NID2: variants seen among roughly 807,000 people sequenced by gnomAD.
NID2 encodes nidogen 2, also known as nidogen-2.
NID2 carries 83 observed loss-of-function variants against 145.4 expected under a neutral mutation model. The ratio of observed to expected loss-of-function variants is 0.57; its 90% CI spans 0.48 to 0.69. The LOEUF (loss-of-function observed/expected upper bound fraction) is 0.69, where lower values mean the gene tolerates loss of function less well. Among genes scored for constraint, NID2 ranks in the 30% least tolerant of loss-of-function variants. The pLI, the probability that NID2 is intolerant of heterozygous loss-of-function variation, is 0.00. For synonymous variants in NID2, 739 were observed against 701.3 expected, an observed-to-expected ratio of 1.05 and a Z score of -0.85; for missense variants, 1,807 against 1,765.7, an observed-to-expected ratio of 1.02 and a Z score of -0.42.
intron 20 of NID2, chr14:52,006,273 G>A: frequency 2.3e-6 from 1 of 434,344 alleles, no homozygotes; most frequent in Non-Finnish European, 4.2e-6. Flanking sequence ...TCCCTTTTGA[G>A]ACATTATCCA....
In NID2 at chr14:52,054,176, C is replaced by T. The variant is rs748261367; in HGVS notation, c.913G>A (p.Ala305Thr). ...PLGRSFSHAT[A>T]LESDYNEDNL... The stretch of plus-strand genomic sequence containing the variant: ...TCCTCATTATAGTCACTTTCCAGGG[C>T]TGTAGCATGGCTGAAGGAACGTCCC... Residue 305 changes from alanine to threonine, a missense_variant, in exon 4 of 22, where the codon GCC becomes ACC. By Grantham distance (58) the Ala-to-Thr change is moderately conservative. Transcript: ENST00000216286. The T allele has an allele frequency of 1.9e-6, 3 of 1,614,052 alleles. No individual in the cohort carries two copies. Among genetic ancestry groups the T allele is most frequent in the African/African-American group, 1.3e-5 (1 of 74,916 alleles).
rs931855664 is a variant in NID2, at chr14:52,027,201, C to T, written c.2674G>A (p.Asp892Asn). 1.3e-6 allele frequency: 2 copies of T among 1,524,678 alleles called. No homozygotes were observed. Among genetic ancestry groups the T allele is most frequent in the African/African-American group, 1.4e-5 (1 of 70,766 alleles). The allele number at this position is 1,524,678 out of a possible 1,614,324, so 94.4% of individuals were successfully genotyped here. A position where few individuals can be genotyped will look rare whatever the true frequency, so the allele number is the denominator to read the frequency against. The change falls in exon 12 of 22, where the codon GAT (aspartate) becomes AAT (asparagine). Residue 892 changes from aspartate to asparagine, a missense_variant and splice_region_variant. Asp to Asn is a conservative substitution (Grantham distance 23). Coordinates refer to ENST00000216286, the MANE Select transcript of NID2 (RefSeq NM_007361.4). Reference sequence around the variant, plus strand: ...TTGAGGCTGACCTGCAGTTACTCACCAGTGCACTGGTGCCCATCGCCGGCA... The same window carrying T: ...TTGAGGCTGACCTGCAGTTACTCACTAGTGCACTGGTGCCCATCGCCGGCA... ...GYAGDGHQCTDVDECSENRCH... is the reference protein window; with the variant it reads ...GYAGDGHQCTNVDECSENRCH...
intron 8 of NID2, among the ~76,000 whole-genome samples, chr14:52,039,757 G>A (rs1047543331): frequency 8.5e-5 from 13 of 152,128 alleles, no homozygotes; most frequent in African/African-American, 2.2e-4. Flanking sequence ...ATCACGCTTC[G>A]CACACATTGA....
At chr14:52,031,488 G>A (rs1456559607) in intron 9 of NID2, among the ~76,000 whole-genome samples, 3 of 152,118 alleles carry the variant, frequency 2.0e-5, no homozygotes, top group African/African-American at 4.8e-5. Context: ...AGCTAAGCCT[G>A]TCAGGTTCTA....
At chr14:52,006,689 C>A (rs769637376) in intron 19 of NID2, 29 bp from the exon 20 acceptor site, 15 of 1,611,120 alleles carry the variant, frequency 9.3e-6, no homozygotes, top group Non-Finnish European at 1.2e-5. Context: ...AAAATGAGGT[C>A]CTTCAGCTGC....
intron 9 of NID2, among the ~76,000 whole-genome samples, chr14:52,032,072 C>T (rs961185697): frequency 2.0e-5 from 3 of 152,214 alleles, no homozygotes; most frequent in African/African-American, 4.8e-5. Flanking sequence ...CTACTGCCCA[C>T]GTTATGGCTC....
At chr14:52,068,359 C>G (rs1893300283) in intron 1 of NID2, among the ~76,000 whole-genome samples, 196 bp from the exon 2 acceptor site, 1 of 152,208 alleles carries the variant, frequency 6.6e-6, no homozygotes, top group African/African-American at 2.4e-5. Context: ...GTCCAGGGGC[C>G]CTAAAACTCG....
rs185047505 is a variant in NID2, at chr14:52,032,458, G to A, written c.2258-2768C>T. ...TGACAGGAAAGAGGCACCGCACTGG[G>A]GTTGTGGTTGCCGAGTTAACTTGAG... On this transcript the variant is annotated intron_variant, in intron 9 of 21. Transcript: ENST00000216286. Among the ~76,000 whole-genome samples, 12 of 152,276 alleles carry A rather than the reference G, an allele frequency of 7.9e-5. No individual in the cohort carries two copies. The East Asian group carries it at 1.9e-3, about 24-fold the overall frequency.
chr14:52,021,806 A>T (rs1034931922), intron 12 of NID2, among the ~76,000 whole-genome samples: 6 of 152,206 alleles, frequency 3.9e-5, no homozygotes, highest in African/African-American at 1.4e-4. Flanking sequence ...GTTACCCTGA[A>T]ATCAACCAAT....
intron 2 of NID2, among the ~76,000 whole-genome samples, chr14:52,065,792 A>G (rs1893181792): frequency 7.7e-6 from 1 of 129,362 alleles, no homozygotes; most frequent in African/African-American, 3.2e-5. Flanking sequence ...ACTGAGAATG[A>G]TGGTTTCCAA....
At chr14:52,028,109 G>C (rs1239022859) in intron 11 of NID2, among the ~76,000 whole-genome samples, 2 of 152,168 alleles carry the variant, frequency 1.3e-5, no homozygotes, top group Non-Finnish European at 2.9e-5. Flanking sequence ...TAAAGAGCTG[G>C]AGGTGTTTAC....
intron 15 of NID2, among the ~76,000 whole-genome samples, 166 bp from the exon 16 acceptor site, chr14:52,014,622 T>A (rs760276981): frequency 2.0e-5 from 3 of 151,364 alleles, no homozygotes; most frequent in African/African-American, 4.9e-5. Context: ...ATTTCTAGGG[T>A]TTTTTTAAGG....
In NID2 at chr14:52,017,703, T is replaced by C. The variant is rs184980724; in HGVS notation, c.3028+1358A>G. Among the ~76,000 whole-genome samples, 46 of 152,298 alleles carry C rather than the reference T, an allele frequency of 3.0e-4. No individual in the cohort carries two copies. The East Asian group carries it at 8.3e-3, about 27-fold the overall frequency. On this transcript the variant is annotated intron_variant, in intron 14 of 21. Transcript: ENST00000216286. The stretch of plus-strand genomic sequence containing the variant: ...AAGAGAAGGCATGAGGGAAATAGAA[T>C]TTCTCTGTACCTTTTTTGGACCTTT...
At chr14:52,048,240 C>A (rs1330170951) in intron 5 of NID2, among the ~76,000 whole-genome samples, 1 of 152,196 alleles carries the variant, frequency 6.6e-6, no homozygotes, top group Non-Finnish European at 1.5e-5. Flanking sequence ...CACAAGAATA[C>A]AACGTGAAGA....
chr14:52,052,249 GT>G (rs1182213250), intron 5 of NID2, among the ~76,000 whole-genome samples: 1 of 152,116 alleles, frequency 6.6e-6, no homozygotes, highest in South Asian at 2.1e-4. Context: ...TGGAAATGTG[GT>G]CCCTTAGGCA....
At chr14:52,014,145 C>T (rs769459154) in intron 16 of NID2, 142 bp downstream of exon 16, 20 of 1,004,580 alleles carry the variant, frequency 2.0e-5, no homozygotes, top group Middle Eastern at 2.4e-4. Context: ...GTGGTGGCAT[C>T]GGGCCCATGC....
chr14:52,064,688 T>G lies in NID2; in HGVS notation c.534+3170A>C, dbSNP rs114590711. Among the ~76,000 whole-genome samples, 1,315 of 152,368 alleles carry G rather than the reference T, an allele frequency of 8.6e-3. 18 individuals carry two copies. Among genetic ancestry groups the G allele is most frequent in the African/African-American group, 0.03 (1,256 of 41,580 alleles). On this transcript the variant is annotated intron_variant, in intron 2 of 21. Transcript: ENST00000216286. ...CTTGCACTCATCTGTCTTATGTTAC[T>G]GCCTGTGACTCCTTCATCCATTTCT...
At chr14:52,056,017 G>A (rs1435642961) in intron 3 of NID2, among the ~76,000 whole-genome samples, 1 of 151,914 alleles carries the variant, frequency 6.6e-6, no homozygotes, top group Non-Finnish European at 1.5e-5. Context: ...AGGGAAAAAA[G>A]CATAGAAAGA....
chr14:52,028,768 C>T lies in NID2; in HGVS notation c.2484G>A (p.Glu828=). 1 of 1,614,082 alleles carries T rather than the reference C, an allele frequency of 6.2e-7. No homozygotes were observed. Among genetic ancestry groups the T allele is most frequent in the Non-Finnish European group, 8.5e-7 (1 of 1,179,978 alleles). The change falls in exon 11 of 22, where the codon GAG becomes GAA. Residue 828 remains glutamate (E), a synonymous_variant. Transcript: ENST00000216286. ...CTGCAAACTCATAACCACTCCGGCACTCACACCTGTAGCTTCCAGGCAAGT... is the reference window on the plus strand; with the variant it reads ...CTGCAAACTCATAACCACTCCGGCATTCACACCTGTAGCTTCCAGGCAAGT... ...CINLPGSYRC[E]CRSGYEFADD...
Sources: gnomAD v4.1 joint callset for allele counts (sites outside exome capture counted in the v4.1 genomes callset) on GRCh38, gnomAD v4.1.1 for gene constraint, MANE v1.5 for transcripts, NCBI Gene and HGNC (gene_info 2026-07-23, HGNC 2026-07-21) for gene names.